The following KMT2E variants were observed in gnomAD, a reference collection of about 807,000 sequenced individuals.
KMT2E encodes the protein lysine methyltransferase 2E (inactive), also known as histone reader KMT2E.
In KMT2E, 30 loss-of-function variants were observed where a neutral mutation model predicts 184.6. The ratio of observed to expected loss-of-function variants is 0.16; its 90% CI spans 0.12 to 0.22. The LOEUF (loss-of-function observed/expected upper bound fraction) is 0.22, where lower values mean the gene tolerates loss of function less well. Among genes scored for constraint, KMT2E ranks in the 10% least tolerant of loss-of-function variants. The pLI is 1.00. For missense variants in KMT2E, 2,023 were observed against 2,237.4 expected (o/e 0.90, Z 1.93); for synonymous variants, 815 against 776.5 (o/e 1.05, Z -0.82).
At position 105,112,376 on chromosome 7, in the gene KMT2E, C is replaced by A; in HGVS notation, c.4620C>A (p.Asn1540Lys). 1 of 1,612,964 alleles carries A rather than the reference C, an allele frequency of 6.2e-7. No homozygotes were observed. Among genetic ancestry groups the A allele is most frequent in the Non-Finnish European group, 8.5e-7 (1 of 1,180,012 alleles). Residue 1540 changes from asparagine to lysine, a missense_variant, in exon 27 of 27, where the codon AAC (asparagine) becomes AAA (lysine). Asn to Lys is a moderately conservative substitution (Grantham distance 94). Around this residue, in one of 8 missense-constraint regions of KMT2E, gnomAD observed 1,108 missense variants for 1,050.9 expected, o/e 1.05. Transcript: ENST00000311117. ...TYSQFNQQSL[N>K]STAPPPPPPP... ...GTCAGTTTAACCAACAAAGTCTGAACAGCACGGCACCACCCCCTCCACCTC... is the reference window on the plus strand; with the variant it reads ...GTCAGTTTAACCAACAAAGTCTGAAAAGCACGGCACCACCCCCTCCACCTC...
chr7:105,014,639 G>A (rs977837338), intron 1 of KMT2E, 104 bp downstream of exon 1: 1 of 152,098 alleles, frequency 6.6e-6, no homozygotes, highest in East Asian at 1.9e-4. Context: ...TAAGCTGGGG[G>A]AGCCGACGTT....
chr7:105,028,103 T>C (rs982880586), intron 1 of KMT2E, among the ~76,000 whole-genome samples: 2 of 151,988 alleles, frequency 1.3e-5, no homozygotes, highest in Admixed American at 6.6e-5. Flanking sequence ...TGTCTACATA[T>C]CGTACTCTGA....
intron 17 of KMT2E, 63 bp from the exon 18 acceptor site, chr7:105,105,376 A>C: frequency 5.0e-6 from 6 of 1,205,888 alleles, no homozygotes; most frequent in Non-Finnish European, 3.5e-6. Flanking sequence ...ATCTGGTATT[A>C]GAATATTCAA....
intron 3 of KMT2E, among the ~76,000 whole-genome samples, chr7:105,044,576 G>C (rs897744045): frequency 7.9e-5 from 12 of 152,176 alleles, no homozygotes; most frequent in African/African-American, 2.4e-4. Context: ...CTCCTGGTCT[G>C]TAAAACTGGA....
chr7:105,079,260 G>A (rs192508639), intron 12 of KMT2E, among the ~76,000 whole-genome samples: 3 of 150,082 alleles, frequency 2.0e-5, no homozygotes, highest in Non-Finnish European at 4.4e-5. Context: ...TCAGCCTCCC[G>A]AATAGGTGGG....
chr7:105,048,781 A>G (rs1266955944), intron 3 of KMT2E, among the ~76,000 whole-genome samples: 2 of 152,252 alleles, frequency 1.3e-5, no homozygotes, highest in African/African-American at 2.4e-5. Context: ...ATGAATGGAC[A>G]TGACAGTGTT....
chr7:105,113,194 C>G lies in KMT2E; in HGVS notation c.5438C>G (p.Pro1813Arg). 6.2e-7 allele frequency: 1 copy of G among 1,614,208 alleles called. No individual in the cohort carries two copies. Among genetic ancestry groups the G allele is most frequent in the Non-Finnish European group, 8.5e-7 (1 of 1,180,036 alleles). ...IPTPTASGFC[P>R]HPGSVALPHG... Reference sequence around the variant, plus strand: ...ACACCTACTGCTTCAGGGTTCTGTCCTCATCCTGGCTCTGTGGCCCTGCCA... The same window carrying G: ...ACACCTACTGCTTCAGGGTTCTGTCGTCATCCTGGCTCTGTGGCCCTGCCA... Residue 1813 changes from proline to arginine, a missense_variant, in exon 27 of 27, where the codon CCT (proline) becomes CGT (arginine). Pro to Arg is a moderately radical substitution (Grantham distance 103, BLOSUM62 -2). Transcript: ENST00000311117.
intron 3 of KMT2E, among the ~76,000 whole-genome samples, chr7:105,055,292 A>G (rs374569487): frequency 4.0e-4 from 56 of 140,488 alleles, no homozygotes; most frequent in African/African-American, 1.5e-3. Context: ...AGCTTAAGTG[A>G]TTCCTCCTAC....
intron 4 of KMT2E, among the ~76,000 whole-genome samples, chr7:105,062,648 A>G (rs1796866142): frequency 1.3e-5 from 2 of 151,820 alleles, no homozygotes; most frequent in Non-Finnish European, 2.9e-5. Context: ...AGTAAATTTT[A>G]TAGTTACCAT....
chr7:105,050,768 C>T (rs1443930726), intron 3 of KMT2E, among the ~76,000 whole-genome samples: 1 of 151,628 alleles, frequency 6.6e-6, no homozygotes, highest in Admixed American at 6.6e-5. Flanking sequence ...CTTGCTCTGT[C>T]ACCCAGGCTG....
In KMT2E at chr7:105,073,696, C is replaced by T. The variant is rs772240818; in HGVS notation, c.556+19C>T. ...ATGTCAGGTAGGTAAAAAGGACCTA[C>T]ACTAAATTAAAATTCGTGTGATTGA... is the stretch of plus-strand genomic sequence containing the variant. On this transcript the variant is annotated intron_variant, in intron 7 of 26. Transcript: ENST00000311117. The T allele has an allele frequency of 6.6e-7, 1 of 1,507,342 alleles. No homozygotes were observed. Among genetic ancestry groups the T allele is most frequent in the African/African-American group, 1.4e-5 (1 of 72,840 alleles). The allele number at this position is 1,507,342 out of a possible 1,614,324, so 93.4% of individuals were successfully genotyped here. A position where few individuals can be genotyped will look rare whatever the true frequency, so the allele number is the denominator to read the frequency against.
intron 3 of KMT2E, among the ~76,000 whole-genome samples, chr7:105,044,270 T>C (rs1437144616): frequency 6.6e-6 from 1 of 152,212 alleles, no homozygotes; most frequent in Non-Finnish European, 1.5e-5. Context: ...ACATAGGCTG[T>C]TTGCTTCATT....
intron 4 of KMT2E, 130 bp downstream of exon 4, chr7:105,062,408 G>T: frequency 3.7e-6 from 2 of 542,494 alleles, no homozygotes; most frequent in Non-Finnish European, 3.2e-6. Flanking sequence ...ATAATTAGGC[G>T]TTTAATTTTT....
intron 3 of KMT2E, among the ~76,000 whole-genome samples, chr7:105,041,725 T>A (rs1795890585): frequency 6.6e-6 from 1 of 152,132 alleles, no homozygotes; most frequent in African/African-American, 2.4e-5. Flanking sequence ...TAGTTTGAAT[T>A]TGTATAATTG....
intron 8 of KMT2E, 30 bp downstream of exon 8, chr7:105,074,845 G>T (rs1247338672): frequency 1.9e-6 from 3 of 1,549,750 alleles, no homozygotes; most frequent in Non-Finnish European, 2.6e-6. Context: ...TAGGTGAGTG[G>T]ATAGGATAGC....
chr7:105,075,047 C>T (rs1797469835), intron 8 of KMT2E, among the ~76,000 whole-genome samples: 2 of 152,182 alleles, frequency 1.3e-5, no homozygotes, highest in South Asian at 4.1e-4. Context: ...TGAGATTAGT[C>T]ACTATAATGC....
chr7:105,101,590 G>GT lies in KMT2E; in HGVS notation c.1887+2dup. 1 of 1,526,626 alleles carries GT rather than the reference G, an allele frequency of 6.6e-7. No individual in the cohort carries two copies. The highest frequency in any genetic ancestry group is 8.7e-7 in the Non-Finnish European group (1 of 1,145,502). The allele number at this position is 1,526,626 out of a possible 1,614,324, so 94.6% of individuals were successfully genotyped here. Reference sequence around the variant, plus strand: ...TGTCAGTGATGCTGAAGTTATTCAGGTATTATTTATTCAGGTCGTTTTATT... The same window carrying GT: ...TGTCAGTGATGCTGAAGTTATTCAGGTTATTATTTATTCAGGTCGTTTTATT... On this transcript the variant is annotated splice_donor_variant, in intron 16 of 26. Transcript: ENST00000311117. LOFTEE classifies it high-confidence loss of function.
intron 23 of KMT2E, among the ~76,000 whole-genome samples, chr7:105,109,793 A>C (rs17721388): frequency 0.1 from 15,271 of 151,938 alleles, 1,042 homozygotes; most frequent in East Asian, 0.18. Context: ...GAGTCCTTCA[A>C]ATAAGGATAA....
At chr7:105,048,092 A>G (rs1796181864) in intron 3 of KMT2E, among the ~76,000 whole-genome samples, 1 of 152,164 alleles carries the variant, frequency 6.6e-6, no homozygotes, top group Non-Finnish European at 1.5e-5. Context: ...ACTGGAGTAC[A>G]GTAGTGTGAT....
Sources: allele counts gnomAD v4.1 joint callset (sites outside exome capture counted in the v4.1 genomes callset), GRCh38; gene constraint gnomAD v4.1.1; regional missense constraint gnomAD v4.1.1; transcripts MANE v1.5; gene names NCBI Gene and HGNC (gene_info 2026-07-23, HGNC 2026-07-21).